Variants in NEBL observed in about 807,000 individuals in gnomAD.
NEBL encodes the protein nebulette, also known as LIM and SH3 protein 2.
In NEBL, 122 loss-of-function variants were observed where a neutral mutation model predicts 140.2. The ratio of observed to expected loss-of-function variants is 0.87; its 90% confidence interval spans 0.75 to 1.01. NEBL has a LOEUF of 1.01. Ranked by LOEUF, NEBL falls within the 50% of genes least tolerant of loss-of-function variation. The pLI is 0.00. For synonymous variants in NEBL, 436 were observed against 398.9 expected (o/e 1.09, Z -1.11); for missense variants, 1,365 against 1,231.3 (o/e 1.11, Z -1.62).
chr10:21,014,835 G>C (rs147554168), intron 3 of NEBL, among the ~76,000 whole-genome samples: 14 of 152,250 alleles, frequency 9.2e-5, no homozygotes, highest in African/African-American at 3.4e-4. Context: ...CCTATAAAAA[G>C]AAATCACTTT....
chr10:20,812,431 A>G (rs1227085871), intron 24 of NEBL, among the ~76,000 whole-genome samples: 2 of 151,008 alleles, frequency 1.3e-5, no homozygotes, highest in Non-Finnish European at 3.0e-5. Flanking sequence ...TTAACTCGTC[A>G]TTTACATTAG....
At chr10:21,049,071 T>C (rs1834648625) in intron 2 of NEBL, among the ~76,000 whole-genome samples, 1 of 151,644 alleles carries the variant, frequency 6.6e-6, no homozygotes, top group South Asian at 2.1e-4. Flanking sequence ...TGCAAGAACT[T>C]AATCTCTTTT....
At chr10:21,268,819 C>G (rs1842828629) in intron 1 of NEBL, among the ~76,000 whole-genome samples, 1 of 151,968 alleles carries the variant, frequency 6.6e-6, no homozygotes, top group African/African-American at 2.4e-5. Context: ...GCCACTGCAC[C>G]TGGCCAAAAA....
exon 1 of NEBL, chr10:21,174,103 T>C (rs1310548474): frequency 2.2e-6 from 2 of 912,636 alleles, no homozygotes; most frequent in Non-Finnish European, 2.7e-6. Context: ...TCGCTCGCAC[T>C]CCAGGTACGG....
At chr10:21,033,874 A>T (rs1833903429) in intron 2 of NEBL, among the ~76,000 whole-genome samples, 3 of 152,108 alleles carry the variant, frequency 2.0e-5, no homozygotes, top group Admixed American at 6.6e-5. Flanking sequence ...TATTTCTTTA[A>T]AAAACACCAG....
At chr10:20,999,328 G>A (rs1227027464) in intron 3 of NEBL, among the ~76,000 whole-genome samples, 1 of 152,180 alleles carries the variant, frequency 6.6e-6, no homozygotes, top group Non-Finnish European at 1.5e-5. Flanking sequence ...TGGATGCAGT[G>A]GCTCACGCCT....
intron 3 of NEBL, among the ~76,000 whole-genome samples, chr10:21,241,973 G>A (rs371762356): frequency 3.3e-5 from 5 of 152,178 alleles, no homozygotes; most frequent in African/African-American, 1.2e-4. Flanking sequence ...AGGCTGAGGT[G>A]TGTGGATCTC....
At chr10:21,058,596 T>C (rs113853425) in intron 2 of NEBL, among the ~76,000 whole-genome samples, 4 of 152,314 alleles carry the variant, frequency 2.6e-5, no homozygotes, top group African/African-American at 9.6e-5. Flanking sequence ...AACAACATTA[T>C]TTAATGGCAT....
intron 3 of NEBL, among the ~76,000 whole-genome samples, chr10:20,971,047 C>T (rs1836547740): frequency 1.3e-5 from 2 of 152,154 alleles, no homozygotes; most frequent in Admixed American, 6.5e-5. Context: ...TGTAGTGCCA[C>T]AAAAGAGACA....
intron 26 of NEBL, among the ~76,000 whole-genome samples, chr10:20,796,696 C>A (rs111789191): frequency 1.3e-5 from 2 of 152,126 alleles, no homozygotes; most frequent in Non-Finnish European, 2.9e-5. Context: ...CATTTAGATT[C>A]GAATTGCCAC....
At chr10:20,838,559 T>C (rs1430724023) in intron 13 of NEBL, among the ~76,000 whole-genome samples, 10 of 152,224 alleles carry the variant, frequency 6.6e-5, no homozygotes, top group Non-Finnish European at 1.5e-4. Context: ...AAAAACTTTG[T>C]CATTAAAGCA....
intron 3 of NEBL, among the ~76,000 whole-genome samples, chr10:21,004,368 G>T (rs544193983): frequency 2.1e-4 from 32 of 152,148 alleles, no homozygotes; most frequent in Non-Finnish European, 2.4e-4. Context: ...TGCCAGGAGT[G>T]TTCATTATTT....
At position 21,110,676 on chromosome 10, in the gene NEBL, C is replaced by A. The variant is rs992514879; in HGVS notation, c.164+61707G>T. 5.2e-5 allele frequency: 24 copies of A among 459,548 alleles called. No individual in the cohort carries two copies. The Admixed American group carries it at 5.8e-4, about 11-fold the overall frequency. 28.5% of individuals were successfully genotyped at this position (459,548 alleles called of 1,614,324 possible). A position where few individuals can be genotyped will look rare whatever the true frequency, so the allele number is the denominator to read the frequency against. ...TCTCTCCTACCTAAGCATATGCCAC[C>A]ACCCCATGGAAGGCTCAGTGGACAT... is the stretch of plus-strand genomic sequence containing the variant. On this transcript the variant is annotated intron_variant, in intron 2 of 6. Coordinates refer to the NEBL transcript ENST00000417816.
intron 12 of NEBL, chr10:20,841,660 T>C (rs774117762): frequency 2.0e-5 from 3 of 152,036 alleles, no homozygotes; most frequent in Non-Finnish European, 4.4e-5. Flanking sequence ...GACTCCTAGG[T>C]TGCAAATGAC....
chr10:21,095,562 C>A (rs150184985), intron 2 of NEBL, among the ~76,000 whole-genome samples: 1 of 152,122 alleles, frequency 6.6e-6, no homozygotes, highest in Non-Finnish European at 1.5e-5. Context: ...TGAAGCTAAT[C>A]GGATTATTTA....
chr10:20,859,909 C>T lies in NEBL; in HGVS notation c.685-83G>A, dbSNP rs1043250989. The stretch of plus-strand genomic sequence containing the variant: ...TTTCACGTAGATAAAATAAAAGCTA[C>T]CTTAAAAATGAATGTTGCCAAGTGT... On this transcript the variant is annotated intron_variant, in intron 7 of 27. Coordinates refer to ENST00000377122, the MANE Select transcript of NEBL (RefSeq NM_006393.3). The T allele has an allele frequency of 4.3e-6, 3 of 701,830 alleles. No individual in the cohort carries two copies. In the African/African-American group the frequency reaches 5.5e-5, roughly 13 times the overall value. 43.5% of individuals were successfully genotyped at this position (701,830 alleles called of 1,614,324 possible).
At chr10:20,960,873 A>T (rs146427052) in intron 4 of NEBL, among the ~76,000 whole-genome samples, 105 of 152,230 alleles carry the variant, frequency 6.9e-4, no homozygotes, top group Non-Finnish European at 1.2e-3. Flanking sequence ...GTGACGCACA[A>T]AATACAGTTC....
At chr10:20,951,604 C>T (rs72789322) in intron 4 of NEBL, among the ~76,000 whole-genome samples, 7,777 of 152,030 alleles carry the variant, frequency 0.051, 258 homozygotes, top group Non-Finnish European at 0.082. Flanking sequence ...GACTTATGAC[C>T]CTCCAATAAG....
At chr10:21,132,961 G>A (rs993549863) in intron 2 of NEBL, among the ~76,000 whole-genome samples, 3 of 152,156 alleles carry the variant, frequency 2.0e-5, no homozygotes, top group Admixed American at 6.5e-5. Flanking sequence ...TGTCCTTGAA[G>A]GACAGGTGTT....
Sources: allele counts gnomAD v4.1 joint callset (sites outside exome capture counted in the v4.1 genomes callset), GRCh38; gene constraint gnomAD v4.1.1; transcripts MANE v1.5; gene names NCBI Gene and HGNC (gene_info 2026-07-23, HGNC 2026-07-21).